ZBTB46: variants seen among roughly 807,000 people sequenced by gnomAD.
The protein encoded by ZBTB46 is zinc finger and BTB domain-containing protein 46.
In ZBTB46, 8 loss-of-function variants were observed where a neutral mutation model predicts 44.1. That is an observed-to-expected ratio of 0.18 (90% CI 0.11 to 0.33). ZBTB46 has a LOEUF of 0.33. Ranked by LOEUF, ZBTB46 falls within the 10% of genes least tolerant of loss-of-function variation. The pLI, the probability that ZBTB46 is intolerant of heterozygous loss-of-function variation, is 1.00. For synonymous variants in ZBTB46, 409 were observed against 382.3 expected, an observed-to-expected ratio of 1.07 and a Z score of -0.81; for missense variants, 651 against 847.7, an observed-to-expected ratio of 0.77 and a Z score of 2.88.
Position 63,816,016 on chromosome 20 carries a change from AGTGGGCGCAG to A in ZBTB46, c.-34+15071_-34+15080del, listed in dbSNP as rs1210853482. Among the ~76,000 whole-genome samples, 10 of 135,238 alleles carry A rather than the reference AGTGGGCGCAG, an allele frequency of 7.4e-5. 2 individuals are homozygous for A. Among genetic ancestry groups the A allele is most frequent in the Admixed American group, 2.2e-4 (3 of 13,528 alleles). 88.7% of individuals were successfully genotyped at this position (135,238 alleles called of 152,430 possible). A position where few individuals can be genotyped will look rare whatever the true frequency, so the allele number is the denominator to read the frequency against. On this transcript the variant is annotated intron_variant, in intron 1 of 4. Transcript: ENST00000245663. ...AGTGGGCACAGGTGGGCACAGGTGC[AGTGGGCGCAG>A]GTGGGCACAGGTGCGGTGGGTGCAG...
intron 1 of ZBTB46, among the ~76,000 whole-genome samples, chr20:63,825,769 A>T (rs1003264224): frequency 6.6e-6 from 1 of 152,120 alleles, no homozygotes; most frequent in African/African-American, 2.4e-5. Context: ...TCTTTCAGGG[A>T]AGTCAGTTGG....
At chr20:63,799,123 C>T (rs139848472) in intron 1 of ZBTB46, among the ~76,000 whole-genome samples, 1 of 150,914 alleles carries the variant, frequency 6.6e-6, no homozygotes, top group Non-Finnish European at 1.5e-5. Context: ...CTCCACCTCC[C>T]GGGCTCAAGC....
chr20:63,760,999 CTTTTTT>C (rs372831458), intron 3 of ZBTB46, among the ~76,000 whole-genome samples: 1 of 127,914 alleles, frequency 7.8e-6, no homozygotes, highest in Non-Finnish European at 1.7e-5. Flanking sequence ...ATTGATAGCT[CTTTTTT>C]TTTTTTTTTT....
chr20:63,765,543 C>T (rs2092314472), intron 3 of ZBTB46, among the ~76,000 whole-genome samples: 1 of 152,260 alleles, frequency 6.6e-6, no homozygotes, highest in African/African-American at 2.4e-5. Context: ...ATCCTCCCTC[C>T]TCGGCCTGCC....
chr20:63,773,517 G>T (rs2092394034), intron 3 of ZBTB46, among the ~76,000 whole-genome samples: 1 of 152,124 alleles, frequency 6.6e-6, no homozygotes, highest in South Asian at 2.1e-4. Context: ...TGGGGTCCCT[G>T]CCCTGAATGA....
chr20:63,749,538 GTGTTAGCCAGGA>G (rs1332710131), intron 4 of ZBTB46, among the ~76,000 whole-genome samples: 2 of 152,044 alleles, frequency 1.3e-5, no homozygotes, highest in Non-Finnish European at 2.9e-5. Flanking sequence ...GGGTTTCACC[GTGTTAGCCAGGA>G]TGGTCTCGAT....
chr20:63,775,655 C>T (rs201742100), intron 3 of ZBTB46, 23 bp downstream of exon 3: 331 of 1,528,808 alleles, frequency 2.2e-4, no homozygotes, highest in South Asian at 1.5e-4. Flanking sequence ...CAAAGCCAAG[C>T]GGCCCCCAGG....
chr20:63,767,901 G>T lies in ZBTB46; in HGVS notation c.1222+7777C>A. 1 of 985,466 alleles carries T rather than the reference G, an allele frequency of 1.0e-6. No individual in the cohort carries two copies. The highest frequency in any genetic ancestry group is 1.2e-6 in the Non-Finnish European group (1 of 829,932). 61.0% of individuals were successfully genotyped at this position (985,466 alleles called of 1,614,324 possible). A position where few individuals can be genotyped will look rare whatever the true frequency, so the allele number is the denominator to read the frequency against. On this transcript the variant is annotated intron_variant, in intron 3 of 4. Transcript: ENST00000245663. This position sits in a 1 kb window ranked among gnomAD's most constrained non-coding sequence, Gnocchi z 5.0. ...TCCTGGACAGGCCACAGGCCCTGCA[G>T]AAACCCACCCTCATGCCAGCGGGAG...
At chr20:63,751,172 C>T (rs1390421778) in intron 4 of ZBTB46, among the ~76,000 whole-genome samples, 1 of 141,464 alleles carries the variant, frequency 7.1e-6, no homozygotes, top group African/African-American at 2.6e-5. Flanking sequence ...TAAGATCAGC[C>T]CTGTGGCCTG....
intron 3 of ZBTB46, among the ~76,000 whole-genome samples, chr20:63,769,923 C>T (rs940972158): frequency 1.4e-4 from 21 of 152,224 alleles, no homozygotes; most frequent in Non-Finnish European, 2.2e-4. Flanking sequence ...CCAGCCGCTC[C>T]GCCATCTCCA....
chr20:63,806,200 G>A lies in ZBTB46; in HGVS notation c.-33-15410C>T, dbSNP rs181010171. ...GCGGATCACCTGAGGTCAGGAGTTC[G>A]AGACCAACCTGGCCAACATAGTGAA... is the stretch of plus-strand genomic sequence containing the variant. On this transcript the variant is annotated intron_variant, in intron 1 of 4. Coordinates refer to ENST00000245663, the MANE Select transcript of ZBTB46 (RefSeq NM_001369741.1). Among the ~76,000 whole-genome samples, 358 of 146,722 alleles carry A rather than the reference G, an allele frequency of 2.4e-3. 1 individual carries two copies. The highest frequency in any genetic ancestry group is 6.9e-3 in the Middle Eastern group (2 of 288).
chr20:63,769,596 G>A (rs1459725389), intron 3 of ZBTB46, among the ~76,000 whole-genome samples: 2 of 152,178 alleles, frequency 1.3e-5, no homozygotes, highest in Non-Finnish European at 2.9e-5. Flanking sequence ...TCTGCGGTGT[G>A]TCTCTTTCCT....
chr20:63,753,249 G>A (rs1195762927), intron 3 of ZBTB46, among the ~76,000 whole-genome samples: 1 of 152,190 alleles, frequency 6.6e-6, no homozygotes, highest in Non-Finnish European at 1.5e-5. Context: ...GGCCCTGGGC[G>A]TGGTGTCCGA....
At chr20:63,778,437 G>A (rs369462482) in intron 2 of ZBTB46, among the ~76,000 whole-genome samples, 7 of 152,306 alleles carry the variant, frequency 4.6e-5, no homozygotes, top group African/African-American at 1.4e-4. Flanking sequence ...GACAGGAATC[G>A]GGATCAGAAC....
rs369352171 is a variant in ZBTB46 at position 63,790,051 on chromosome 20, G to A, written c.707C>T (p.Ser236Phe). The A allele has an allele frequency of 1.9e-6, 3 of 1,614,048 alleles. No individual in the cohort carries two copies. The highest frequency in any genetic ancestry group is 1.7e-6 in the Non-Finnish European group (2 of 1,179,990). ...LRIKEEQVSP[S>F]QYGGSELPSA... ...AGGCAGCTCGCTCCCTCCGTACTGA[G>A]ACGGTGAAACCTGCTCTTCCTTGAT... The change falls in exon 2 of 5, where the codon TCT becomes TTT. Residue 236 changes from serine to phenylalanine, a missense_variant. Physicochemically the swap from Ser to Phe is radical, Grantham distance 155. This residue lies in a region of ZBTB46 where 385 missense variants were observed against 423.3 expected (regional missense o/e 0.91). Coordinates refer to ENST00000245663, the MANE Select transcript of ZBTB46 (RefSeq NM_001369741.1).
chr20:63,831,606 G>A (rs1271367829), upstream of ZBTB46, among the ~76,000 whole-genome samples: 2 of 148,646 alleles, frequency 1.3e-5, no homozygotes, highest in Non-Finnish European at 1.5e-5. Context: ...GCGGCGCGGC[G>A]CGGGGGTCCC....
chr20:63,781,234 G>A (rs1418347188), intron 2 of ZBTB46, among the ~76,000 whole-genome samples: 2 of 151,428 alleles, frequency 1.3e-5, no homozygotes, highest in African/African-American at 2.4e-5. Flanking sequence ...GACTTGGAAC[G>A]AGAACACCTA....
intron 4 of ZBTB46, among the ~76,000 whole-genome samples, chr20:63,749,050 C>G (rs2092133389): frequency 6.6e-6 from 1 of 152,262 alleles, no homozygotes; most frequent in Non-Finnish European, 1.5e-5. Flanking sequence ...CCTTCTAGAC[C>G]CGCTTCCTTG....
chr20:63,750,127 C>G (rs2092146721), intron 4 of ZBTB46, among the ~76,000 whole-genome samples: 1 of 152,222 alleles, frequency 6.6e-6, no homozygotes, highest in Non-Finnish European at 1.5e-5. Context: ...AAAGTGGAGG[C>G]TGGACCGGCT....
Sources: allele counts gnomAD v4.1 joint callset (sites outside exome capture counted in the v4.1 genomes callset), GRCh38; gene constraint gnomAD v4.1.1; regional missense constraint gnomAD v4.1.1; non-coding constraint Gnocchi (gnomAD v3.1); transcripts MANE v1.5; gene names NCBI Gene and HGNC (gene_info 2026-07-23, HGNC 2026-07-21).